Variants in SRBD1 observed in about 807,000 individuals in gnomAD.
The protein encoded by SRBD1 is S1 RNA binding domain 1, also known as S1 RNA-binding domain-containing protein 1.
Under a neutral mutation model 115.3 loss-of-function variants are expected in SRBD1, and 88 were observed. That is an observed-to-expected ratio of 0.76 (90% confidence interval 0.64 to 0.91). SRBD1 has a LOEUF of 0.91. Among genes scored for constraint, SRBD1 ranks in the 40% least tolerant of loss-of-function variants. The pLI is 0.00. For synonymous variants in SRBD1, 509 were observed against 407.7 expected, an observed-to-expected ratio of 1.25 and a Z score of -2.99; for missense variants, 1,385 against 1,177.4, an observed-to-expected ratio of 1.18 and a Z score of -2.58.
chr2:45,430,686 C>T (rs1668305108), intron 16 of SRBD1, among the ~76,000 whole-genome samples: 1 of 152,166 alleles, frequency 6.6e-6, no homozygotes, highest in East Asian at 1.9e-4. Flanking sequence ...AAAACCATAA[C>T]AACCCTAAAA....
Position 45,476,976 on chromosome 2 carries a change from G to A in SRBD1, c.2049+17C>T. 6.2e-7 allele frequency: 1 copy of A among 1,609,944 alleles called. No homozygotes were observed. The highest frequency in any genetic ancestry group is 1.1e-5 in the South Asian group (1 of 90,810). ...TATTGATGGATTTCATAAATTAAAT[G>A]ATCCACATAGCTTTACCTGATACAT... On this transcript the variant is annotated intron_variant, in intron 16 of 20. Coordinates refer to ENST00000263736, the MANE Select transcript of SRBD1 (RefSeq NM_018079.5).
At chr2:45,404,803 C>T (rs1186481588) in intron 19 of SRBD1, among the ~76,000 whole-genome samples, 3 of 152,070 alleles carry the variant, frequency 2.0e-5, no homozygotes. Flanking sequence ...CCTCCCAATG[C>T]CCTTTTGACT....
chr2:45,609,098 C>T (rs1273159951), intron 1 of SRBD1, among the ~76,000 whole-genome samples: 1 of 152,064 alleles, frequency 6.6e-6, no homozygotes, highest in Non-Finnish European at 1.5e-5. Context: ...TGAGCCATGG[C>T]GCCTGGCCAG....
At chr2:45,516,559 G>A (rs1005912814) in intron 14 of SRBD1, among the ~76,000 whole-genome samples, 1 of 152,130 alleles carries the variant, frequency 6.6e-6, no homozygotes, top group Middle Eastern at 3.2e-3. Flanking sequence ...ATACAATAAT[G>A]ATTGTTACCC....
At chr2:45,603,556 G>C (rs1368905464) in intron 2 of SRBD1, among the ~76,000 whole-genome samples, 4 of 152,114 alleles carry the variant, frequency 2.6e-5, no homozygotes, top group Non-Finnish European at 5.9e-5. Flanking sequence ...TAGAGACAGA[G>C]TCTCCCTCTG....
intron 19 of SRBD1, among the ~76,000 whole-genome samples, chr2:45,393,343 T>C (rs1345936963): frequency 6.6e-6 from 1 of 152,206 alleles, no homozygotes; most frequent in Non-Finnish European, 1.5e-5. Flanking sequence ...TTTTGTGCTA[T>C]TTATCAAATG....
intron 15 of SRBD1, among the ~76,000 whole-genome samples, chr2:45,483,447 C>CA (rs3834143): frequency 0.5 from 75,601 of 151,856 alleles, 20,216 homozygotes; most frequent in Non-Finnish European, 0.62. Context: ...TGACCACATG[C>CA]AGTAGCCTTG....
At chr2:45,421,541 A>AAAAAAAC (rs1668006577) in intron 16 of SRBD1, among the ~76,000 whole-genome samples, 1 of 147,248 alleles carries the variant, frequency 6.8e-6, no homozygotes, top group Non-Finnish European at 1.5e-5. Context: ...AAAAAAAAAA[A>AAAAAAAC]AAAAGTCAGA....
At chr2:45,487,499 A>T (rs1269537978) in intron 15 of SRBD1, among the ~76,000 whole-genome samples, 2 of 152,208 alleles carry the variant, frequency 1.3e-5, no homozygotes, top group Non-Finnish European at 2.9e-5. Flanking sequence ...TGGTCATTTG[A>T]CAAATATTTG....
intron 16 of SRBD1, among the ~76,000 whole-genome samples, chr2:45,429,553 A>T (rs1026854480): frequency 2.0e-5 from 3 of 152,220 alleles, no homozygotes; most frequent in Admixed American, 2.0e-4. Context: ...CTACATGATT[A>T]TCTCAATAGA....
At chr2:45,396,057 C>T (rs892064757) in intron 19 of SRBD1, among the ~76,000 whole-genome samples, 1 of 151,926 alleles carries the variant, frequency 6.6e-6, no homozygotes, top group Admixed American at 6.6e-5. Context: ...ATCTGTCAGA[C>T]ATTGTTCTAA....
intron 14 of SRBD1, among the ~76,000 whole-genome samples, chr2:45,516,902 T>C (rs1259921080): frequency 1.3e-5 from 2 of 152,156 alleles, no homozygotes; most frequent in African/African-American, 2.4e-5. Context: ...GAGTACCATA[T>C]GCTAGGCACA....
At chr2:45,601,756 A>C (rs1674098065) in intron 3 of SRBD1, 147 bp downstream of exon 3, 12 of 1,019,782 alleles carry the variant, frequency 1.2e-5, no homozygotes, top group Non-Finnish European at 1.7e-5. Context: ...CACAGTACAG[A>C]CCCAAAAATT....
At chr2:45,463,271 T>C (rs1481412640) in intron 16 of SRBD1, among the ~76,000 whole-genome samples, 2 of 152,212 alleles carry the variant, frequency 1.3e-5, no homozygotes, top group Admixed American at 6.5e-5. Flanking sequence ...TCAACTCTTA[T>C]ACCTTAGGCC....
intron 16 of SRBD1, among the ~76,000 whole-genome samples, chr2:45,440,733 C>T (rs1468659960): frequency 6.6e-6 from 1 of 151,986 alleles, no homozygotes; most frequent in Non-Finnish European, 1.5e-5. Context: ...GAATTTTTCC[C>T]TTCTAATAAA....
At chr2:45,603,006 G>T (rs908441958) in intron 2 of SRBD1, among the ~76,000 whole-genome samples, 1 of 152,044 alleles carries the variant, frequency 6.6e-6, no homozygotes, top group East Asian at 1.9e-4. Flanking sequence ...CAAAAAACAG[G>T]AATAATCAGA....
chr2:45,460,610 G>C (rs937899612), intron 16 of SRBD1, among the ~76,000 whole-genome samples: 5 of 152,164 alleles, frequency 3.3e-5, no homozygotes, highest in Non-Finnish European at 4.4e-5. Context: ...ATTTAGAAGA[G>C]AGAAAGGAAG....
chr2:45,455,136 G>T (rs1669113784), intron 16 of SRBD1, among the ~76,000 whole-genome samples: 1 of 151,674 alleles, frequency 6.6e-6, no homozygotes, highest in South Asian at 2.1e-4. Context: ...GTTAATGAAG[G>T]ACATGACAAA....
At chr2:45,391,039 T>C (rs1258589801) in intron 20 of SRBD1, among the ~76,000 whole-genome samples, 4 of 152,178 alleles carry the variant, frequency 2.6e-5, no homozygotes, top group African/African-American at 4.8e-5. Context: ...CGAGACCCCA[T>C]AGGCATTGTT....
Sources: gnomAD v4.1 joint callset for allele counts (sites outside exome capture counted in the v4.1 genomes callset) on GRCh38, gnomAD v4.1.1 for gene constraint, MANE v1.5 for transcripts, NCBI Gene and HGNC (gene_info 2026-07-23, HGNC 2026-07-21) for gene names.